MEGF11: variants seen among roughly 807,000 people sequenced by gnomAD.
MEGF11 encodes the protein multiple epidermal growth factor-like domains protein 11.
Under a neutral mutation model 146.6 loss-of-function variants are expected in MEGF11, and 126 were observed. That is an observed-to-expected ratio of 0.86 (90% CI 0.74 to 1.00). The LOEUF (loss-of-function observed/expected upper bound fraction) is 1.00, where lower values mean the gene tolerates loss of function less well. Ranked by LOEUF, MEGF11 falls within the 50% of genes least tolerant of loss-of-function variation. The probability of loss-of-function intolerance (pLI) is 0.00; values close to 1 mark genes in which losing one functional copy is unlikely to be tolerated. For synonymous variants in MEGF11, 532 were observed against 583.4 expected, an observed-to-expected ratio of 0.91 and a Z score of 1.27; for missense variants, 1,509 against 1,521.2, an observed-to-expected ratio of 0.99 and a Z score of 0.13.
At chr15:66,078,623 G>A (rs956881988) in intron 5 of MEGF11, among the ~76,000 whole-genome samples, 1 of 152,238 alleles carries the variant, frequency 6.6e-6, no homozygotes, top group Non-Finnish European at 1.5e-5. Flanking sequence ...GGTGGGAGCA[G>A]GTGGGTGCAG....
chr15:66,061,780 C>A (rs1391367850), intron 5 of MEGF11, among the ~76,000 whole-genome samples: 1 of 152,018 alleles, frequency 6.6e-6, no homozygotes, highest in Admixed American at 6.6e-5. Flanking sequence ...GGACTATGGG[C>A]ATGCACCAGC....
chr15:65,921,514 C>G (rs2079170061), intron 15 of MEGF11, among the ~76,000 whole-genome samples: 2 of 152,240 alleles, frequency 1.3e-5, no homozygotes, highest in African/African-American at 2.4e-5. Context: ...TAAGGCCCAG[C>G]TGAAGTCCTG....
At chr15:66,139,384 T>C (rs2089039909) in intron 1 of MEGF11, among the ~76,000 whole-genome samples, 1 of 152,198 alleles carries the variant, frequency 6.6e-6, no homozygotes, top group Admixed American at 6.5e-5. Flanking sequence ...GTTGTGTATT[T>C]CAGTGTTTTC....
intron 5 of MEGF11, among the ~76,000 whole-genome samples, chr15:66,070,476 C>T (rs571700976): frequency 6.6e-6 from 1 of 152,314 alleles, no homozygotes; most frequent in Non-Finnish European, 1.5e-5. Context: ...TTAAGCCTTA[C>T]GGGATCACCA....
rs975978497 is a variant in MEGF11, at chr15:66,161,639, C to T, written c.-8-33228G>A. 6.2e-4 allele frequency among the ~76,000 whole-genome samples: 95 copies of T among 152,170 alleles called. 1 individual carries two copies. The highest frequency in any genetic ancestry group is 2.4e-4 in the Non-Finnish European group (16 of 68,038). On this transcript the variant is annotated intron_variant, in intron 1 of 25. Transcript: ENST00000395614. ...AACTCCTGAGCTCAGGCAATCTGCC[C>T]TCCTTGGCCTCCCAAAGTGCTGGGG...
At position 65,958,210 on chromosome 15, in the gene MEGF11, C is replaced by T. The variant is rs550931111; in HGVS notation, c.1113-489G>A. On this transcript the variant is annotated intron_variant, in intron 9 of 25. Coordinates refer to ENST00000395614, the MANE Select transcript of MEGF11 (RefSeq NM_001385028.1). ...CAATGAATGTTGGGCTGAGTGAAAA[C>T]AAGACTTTGGGCCAGATGTGGCCTC... is the stretch of plus-strand genomic sequence containing the variant. 2.6e-5 allele frequency among the ~76,000 whole-genome samples: 4 copies of T among 152,358 alleles called. No homozygotes were observed. The South Asian group carries it at 8.3e-4, about 32-fold the overall frequency.
At chr15:66,056,050 C>T (rs1029784510) in intron 5 of MEGF11, among the ~76,000 whole-genome samples, 11 of 152,062 alleles carry the variant, frequency 7.2e-5, no homozygotes, top group African/African-American at 1.4e-4. Flanking sequence ...CATATGTGAG[C>T]GTGTTAGAAA....
chr15:66,079,571 G>T (rs2085755657), intron 5 of MEGF11, among the ~76,000 whole-genome samples: 1 of 143,296 alleles, frequency 7.0e-6, no homozygotes, highest in African/African-American at 2.7e-5. Flanking sequence ...AAAACTCAGG[G>T]CTTAATCCCC....
chr15:66,196,910 T>C (rs1177184027), intron 1 of MEGF11, among the ~76,000 whole-genome samples: 1 of 152,194 alleles, frequency 6.6e-6, no homozygotes, highest in East Asian at 1.9e-4. Flanking sequence ...TAAGTCCTTA[T>C]CTGTAGAATT....
intron 1 of MEGF11, among the ~76,000 whole-genome samples, chr15:66,224,929 G>C (rs942910859): frequency 6.6e-6 from 1 of 151,978 alleles, no homozygotes; most frequent in Non-Finnish European, 1.5e-5. Context: ...GAGCTGCACA[G>C]TTCTTTCCCC....
intron 7 of MEGF11, among the ~76,000 whole-genome samples, chr15:65,976,040 CTTTTTTTTTT>C (rs57047424): frequency 4.9e-5 from 5 of 102,088 alleles, no homozygotes; most frequent in Admixed American, 4.2e-4. Context: ...TTCAACATTC[CTTTTTTTTTT>C]TTTTTTTTTT....
chr15:65,948,690 A>G (rs1410401002), intron 10 of MEGF11, among the ~76,000 whole-genome samples: 1 of 152,202 alleles, frequency 6.6e-6, no homozygotes, highest in Non-Finnish European at 1.5e-5. Context: ...TATCTAATTC[A>G]ATCCTCAGAA....
At position 66,119,150 on chromosome 15, in the gene MEGF11, C is replaced by T. The variant is rs369667517; in HGVS notation, c.237G>A (p.Arg79=). The T allele has an allele frequency of 6.4e-7, 1 of 1,551,606 alleles. No homozygotes were observed. Among genetic ancestry groups the T allele is most frequent in the Non-Finnish European group, 8.7e-7 (1 of 1,147,026 alleles). Residue 79 remains arginine (R), a synonymous_variant, in exon 4 of 26, where the codon CGG becomes CGA. Coordinates refer to ENST00000395614, the MANE Select transcript of MEGF11 (RefSeq NM_001385028.1). The stretch of plus-strand genomic sequence containing the variant: ...ACTGGGACCTCCGCCGGTACATGGT[C>T]CGGAGGCCTCTCCGATACGCCGTCT... ...SYKTAYRRGL[R]TMYRRRSQCC...
Position 66,093,775 on chromosome 15 carries a change from G to A in MEGF11, c.394+627C>T, listed in dbSNP as rs181992918. 2.6e-3 allele frequency among the ~76,000 whole-genome samples: 403 copies of A among 152,252 alleles called. 2 individuals are homozygous for A. Among genetic ancestry groups the A allele is most frequent in the Non-Finnish European group, 4.5e-3 (308 of 68,012 alleles). On this transcript the variant is annotated intron_variant, in intron 5 of 25. Coordinates refer to ENST00000395614, the MANE Select transcript of MEGF11 (RefSeq NM_001385028.1). The stretch of plus-strand genomic sequence containing the variant: ...CCTCTTGGTGGCCAGCCCCACAGTA[G>A]AGACAATGCACCATGCCACTGTGGG...
At chr15:66,011,810 T>C (rs4776711) in intron 5 of MEGF11, among the ~76,000 whole-genome samples, 2,701 of 152,064 alleles carry the variant, frequency 0.018, 219 homozygotes, top group Admixed American at 0.14. Context: ...ATCCAGAGAA[T>C]ACTATGCAGC....
intron 5 of MEGF11, among the ~76,000 whole-genome samples, chr15:66,008,383 G>A (rs1275621435): frequency 3.4e-5 from 5 of 146,516 alleles, no homozygotes; most frequent in Admixed American, 7.1e-5. Flanking sequence ...AGTCATTCAC[G>A]ATGAAACACA....
chr15:66,059,829 A>G (rs2084830171), intron 5 of MEGF11, among the ~76,000 whole-genome samples: 1 of 152,182 alleles, frequency 6.6e-6, no homozygotes, highest in African/African-American at 2.4e-5. Flanking sequence ...GGGAGCTAAC[A>G]TGCTGATTTA....
chr15:66,043,822 G>A (rs1342949386), intron 5 of MEGF11, among the ~76,000 whole-genome samples: 2 of 152,242 alleles, frequency 1.3e-5, no homozygotes, highest in African/African-American at 4.8e-5. Flanking sequence ...CCCAGAGCGG[G>A]AAGGATGAAC....
intron 1 of MEGF11, among the ~76,000 whole-genome samples, chr15:66,139,029 A>G (rs1192846289): frequency 1.3e-5 from 2 of 152,184 alleles, no homozygotes; most frequent in Non-Finnish European, 2.9e-5. Context: ...TAAGTTTGCA[A>G]TTTGGCCCAG....
Sources: allele counts gnomAD v4.1 joint callset (sites outside exome capture counted in the v4.1 genomes callset), GRCh38; gene constraint gnomAD v4.1.1; transcripts MANE v1.5; gene names NCBI Gene and HGNC (gene_info 2026-07-23, HGNC 2026-07-21).